Variants in TRDN observed in about 807,000 individuals in gnomAD.
TRDN encodes the protein triadin.
TRDN carries 161 observed loss-of-function variants against 149.7 expected under a neutral mutation model. The observed-to-expected ratio is 1.08, with a 90% confidence interval of 0.95 to 1.23. The LOEUF is 1.23. TRDN is among the 50% of genes most tolerant of loss of function. TRDN has a pLI of 0.00. For synonymous variants in TRDN, 294 were observed against 250.5 expected, an observed-to-expected ratio of 1.17 and a Z score of -1.64; for missense variants, 896 against 823.5, an observed-to-expected ratio of 1.09 and a Z score of -1.08.
At chr6:123,276,013 G>A (rs1777356510) in intron 26 of TRDN, among the ~76,000 whole-genome samples, 1 of 152,116 alleles carries the variant, frequency 6.6e-6, no homozygotes, top group African/African-American at 2.4e-5. Flanking sequence ...AAGGAATGCT[G>A]TGTCCTTACA....
chr6:123,282,562 C>T (rs1474740161), intron 24 of TRDN, among the ~76,000 whole-genome samples: 1 of 151,724 alleles, frequency 6.6e-6, no homozygotes, highest in African/African-American at 2.4e-5. Context: ...ATAAACATAT[C>T]AAAAACCAAT....
At chr6:123,390,946 A>C (rs1258395318) in intron 13 of TRDN, among the ~76,000 whole-genome samples, 1 of 152,100 alleles carries the variant, frequency 6.6e-6, no homozygotes, top group African/African-American at 2.4e-5. Flanking sequence ...GCCAGTGGAA[A>C]TACACTAACA....
At chr6:123,527,226 G>A (rs1040883573) in intron 5 of TRDN, among the ~76,000 whole-genome samples, 9 of 151,890 alleles carry the variant, frequency 5.9e-5, no homozygotes, top group Non-Finnish European at 1.3e-4. Flanking sequence ...TATTTACCAC[G>A]GGTAAAGGAA....
At chr6:123,353,913 A>G (rs1209599838) in intron 20 of TRDN, among the ~76,000 whole-genome samples, 1 of 151,832 alleles carries the variant, frequency 6.6e-6, no homozygotes, top group East Asian at 1.9e-4. Context: ...TAAATCTTAC[A>G]TAACACAAGA....
intron 24 of TRDN, among the ~76,000 whole-genome samples, chr6:123,306,246 C>T (rs1778606567): frequency 6.6e-6 from 1 of 152,020 alleles, no homozygotes; most frequent in South Asian, 2.1e-4. Flanking sequence ...TCTTTCTGGC[C>T]CATTTGTTAC....
intron 19 of TRDN, 40 bp downstream of exon 19, chr6:123,375,565 G>A: frequency 6.6e-7 from 1 of 1,509,386 alleles, no homozygotes; most frequent in African/African-American, 1.4e-5. Context: ...TGAGTAAGCT[G>A]CCCAAATATG....
At chr6:123,324,003 A>T (rs899401250) in intron 23 of TRDN, among the ~76,000 whole-genome samples, 12 of 152,132 alleles carry the variant, frequency 7.9e-5, no homozygotes, top group Non-Finnish European at 1.8e-4. Flanking sequence ...TTATTTGAAG[A>T]TGGCAGATGG....
intron 20 of TRDN, 143 bp downstream of exon 20, chr6:123,365,992 T>C: frequency 4.6e-6 from 3 of 655,114 alleles, no homozygotes; most frequent in Non-Finnish European, 7.6e-6. Context: ...TAAAATCTTG[T>C]GCAAAATAGG....
chr6:123,249,439 A>G (rs35061991), intron 38 of TRDN, among the ~76,000 whole-genome samples: 16,411 of 152,106 alleles, frequency 0.11, 1,011 homozygotes, highest in South Asian at 0.2. Flanking sequence ...ATATCTACCC[A>G]AAGGAAAATA....
chr6:123,529,107 C>T, intron 5 of TRDN: 1 of 1,479,528 alleles, frequency 6.8e-7, no homozygotes, highest in Non-Finnish European at 9.0e-7. Flanking sequence ...GTGCCATCTA[C>T]ATTACTACCG....
At chr6:123,239,829 T>C (rs142031784) in intron 38 of TRDN, among the ~76,000 whole-genome samples, 55 of 152,168 alleles carry the variant, frequency 3.6e-4, no homozygotes, top group South Asian at 8.3e-4. Context: ...AGCATACATA[T>C]TTGATATTTA....
intron 9 of TRDN, among the ~76,000 whole-genome samples, chr6:123,496,346 A>G (rs375626862): frequency 2.0e-5 from 3 of 151,782 alleles, no homozygotes; most frequent in East Asian, 3.9e-4. Context: ...CTTTGATGAC[A>G]TACACATAAA....
intron 12 of TRDN, among the ~76,000 whole-genome samples, chr6:123,419,563 G>T (rs1773807425): frequency 6.6e-6 from 1 of 151,920 alleles, no homozygotes; most frequent in Non-Finnish European, 1.5e-5. Flanking sequence ...TTATAGACAG[G>T]GGGCGGGTCT....
intron 1 of TRDN, among the ~76,000 whole-genome samples, 198 bp from the exon 2 acceptor site, chr6:123,571,330 C>T (rs891489409): frequency 1.3e-5 from 2 of 152,160 alleles, no homozygotes; most frequent in African/African-American, 4.8e-5. Context: ...CCCTAAAACT[C>T]GTGCGCTCAT....
At chr6:123,467,139 T>C (rs1776869884) in intron 9 of TRDN, among the ~76,000 whole-genome samples, 1 of 152,006 alleles carries the variant, frequency 6.6e-6, no homozygotes, top group African/African-American at 2.4e-5. Flanking sequence ...ACATACTGGC[T>C]GAAACAGACC....
intron 21 of TRDN, among the ~76,000 whole-genome samples, chr6:123,342,524 A>C (rs919515990): frequency 6.6e-6 from 1 of 151,912 alleles, no homozygotes; most frequent in Non-Finnish European, 1.5e-5. Flanking sequence ...ATGATAAAGC[A>C]TTATTTTGTG....
intron 6 of TRDN, among the ~76,000 whole-genome samples, chr6:123,515,837 T>G (rs1356861041): frequency 6.6e-6 from 1 of 152,148 alleles, no homozygotes; most frequent in Non-Finnish European, 1.5e-5. Context: ...TTCTTACCTA[T>G]CAAACTGACA....
At chr6:123,550,697 G>T (rs1781340536) in intron 2 of TRDN, among the ~76,000 whole-genome samples, 1 of 151,946 alleles carries the variant, frequency 6.6e-6, no homozygotes. Flanking sequence ...ATGAACGAGA[G>T]GATTTCTGGG....
intron 9 of TRDN, 58 bp from the exon 10 acceptor site, chr6:123,465,041 A>T: frequency 6.6e-7 from 1 of 1,521,864 alleles, no homozygotes; most frequent in Non-Finnish European, 8.9e-7. Flanking sequence ...TCTAATATCC[A>T]CAACTAAAAA....
Sources: allele counts gnomAD v4.1 joint callset (sites outside exome capture counted in the v4.1 genomes callset), GRCh38; gene constraint gnomAD v4.1.1; transcripts MANE v1.5; gene names NCBI Gene and HGNC (gene_info 2026-07-23, HGNC 2026-07-21).